Variants in CDKL2 observed in about 807,000 individuals in gnomAD.
CDKL2 encodes cyclin dependent kinase like 2, also known as cyclin-dependent kinase-like 2.
A neutral mutation model predicts 63.9 loss-of-function variants in CDKL2; 64 were observed. The observed-to-expected ratio is 1.00, with a 90% confidence interval of 0.82 to 1.23. CDKL2 has a LOEUF of 1.23. Ranked by LOEUF, CDKL2 falls within the 50% of genes most tolerant of loss-of-function variation. The pLI is 0.00. For synonymous variants in CDKL2, 211 were observed against 229.2 expected, an observed-to-expected ratio of 0.92 and a Z score of 0.72; for missense variants, 656 against 668.0, an observed-to-expected ratio of 0.98 and a Z score of 0.20.
At chr4:75,619,110 C>G (rs1730050614) in intron 2 of CDKL2, among the ~76,000 whole-genome samples, 1 of 152,124 alleles carries the variant, frequency 6.6e-6, no homozygotes, top group Admixed American at 6.5e-5. Flanking sequence ...TAAGCAAGAA[C>G]TTTGAACTTA....
In CDKL2 at chr4:75,621,530, CT is replaced by C. The variant is rs143649249; in HGVS notation, c.168+4290del. ...TATCCTGAGAAAACGGCCTTTTTTT[CT>C]TTTTTTTTGAAGCGATGAGATCTCA... On this transcript the variant is annotated intron_variant, in intron 2 of 13. Coordinates refer to ENST00000307465, the MANE Select transcript of CDKL2 (RefSeq NM_001330724.2). 3.3e-5 allele frequency among the ~76,000 whole-genome samples: 5 copies of C among 150,090 alleles called. No homozygotes were observed. The East Asian group carries it at 7.9e-4, about 24-fold the overall frequency.
At position 75,597,135 on chromosome 4, in the gene CDKL2, A is replaced by G. The variant is rs150074573; in HGVS notation, c.1122T>C (p.Asn374=). 5.5e-5 allele frequency: 88 copies of G among 1,614,076 alleles called. No homozygotes were observed. In the African/African-American group the frequency reaches 1.1e-3, roughly 21 times the overall value. ...EKAEKGNRAS[N]ASCLHDSRTS... The stretch of plus-strand genomic sequence containing the variant: ...TCCTACTGTCATGGAGACAGCTGGC[A>G]TTTGAAGCTCTATTGCCTTTTTCAG... Residue 374 remains asparagine (N), a synonymous_variant, in exon 9 of 14, where the codon AAT becomes AAC. Transcript: ENST00000307465.
rs1159165282 is a variant in CDKL2 at position 75,607,185 on chromosome 4, G to T, written c.540C>A (p.Gly180=). 1.2e-6 allele frequency: 2 copies of T among 1,604,500 alleles called. No individual in the cohort carries two copies. Among genetic ancestry groups the T allele is most frequent in the African/African-American group, 2.7e-5 (2 of 74,650 alleles). ...CCTCCCCATTACTGATGTCTTACTT[G>T]CCATACTTGACATCACCAACCAATA... The part of the protein sequence containing the change: ...PELLVGDVKY[G]KAVDVWAIGC... Residue 180 remains glycine (G), a splice_region_variant and synonymous_variant, in exon 4 of 14, where the codon GGC becomes GGA. Transcript: ENST00000307465.
At chr4:75,610,697 T>C (rs950024027) in intron 3 of CDKL2, among the ~76,000 whole-genome samples, 2 of 152,176 alleles carry the variant, frequency 1.3e-5, no homozygotes, top group African/African-American at 4.8e-5. Context: ...AAAATCATAT[T>C]TATATTTTAA....
chr4:75,624,131 CAA>C (rs35798736), intron 2 of CDKL2, among the ~76,000 whole-genome samples: 21,086 of 118,482 alleles, frequency 0.18, 1,996 homozygotes, highest in African/African-American at 0.33. Flanking sequence ...AACTCCATCT[CAA>C]AAAAAAAAAA....
At chr4:75,589,261 C>G (rs995190439) in intron 12 of CDKL2, among the ~76,000 whole-genome samples, 12 of 146,890 alleles carry the variant, frequency 8.2e-5, no homozygotes, top group African/African-American at 3.0e-4. Context: ...GGTTGAAATA[C>G]AAAATAGTGT....
chr4:75,589,299 C>CT (rs34052339), intron 12 of CDKL2, among the ~76,000 whole-genome samples: 1,226 of 88,244 alleles, frequency 0.014, 18 homozygotes, highest in African/African-American at 0.029. Context: ...TTGATAGTTT[C>CT]TTTTTTTTTT....
rs1730181082 is a variant in CDKL2, at chr4:75,622,152, A to G, written c.168+3669T>C. ...AAGAATGTTTAACAAAATAATTTTT[A>G]AAAAGAAAAAACCTAGATATATGGA... On this transcript the variant is annotated intron_variant, in intron 2 of 13. Transcript: ENST00000307465. Among the ~76,000 whole-genome samples, 3 of 152,194 alleles carry G rather than the reference A, an allele frequency of 2.0e-5. No individual in the cohort carries two copies. In the South Asian group the frequency reaches 6.2e-4, roughly 31 times the overall value.
Position 75,607,222 on chromosome 4 carries a change from C to G in CDKL2, c.503G>C (p.Arg168Thr). 1 of 1,613,912 alleles carries G rather than the reference C, an allele frequency of 6.2e-7. No individual in the cohort carries two copies. The highest frequency in any genetic ancestry group is 8.5e-7 in the Non-Finnish European group (1 of 1,179,876). ...YTDYVATRWY[R>T]APELLVGDVK... ...ATCACCAACCAATAGTTCTGGAGCT[C>G]TGTACCATCGGGTTGCCACATAATC... Residue 168 changes from arginine (R) to threonine (T), a missense_variant, in exon 4 of 14, where the codon AGA (arginine) becomes ACA (threonine). By Grantham distance (71) the Arg-to-Thr change is moderately conservative (BLOSUM62 -1). Coordinates refer to ENST00000307465, the MANE Select transcript of CDKL2 (RefSeq NM_001330724.2).
chr4:75,597,670 C>T lies in CDKL2; in HGVS notation c.1020+407G>A, dbSNP rs535969143. 3.9e-5 allele frequency among the ~76,000 whole-genome samples: 6 copies of T among 152,320 alleles called. No homozygotes were observed. In the South Asian group the frequency reaches 1.2e-3, roughly 32 times the overall value. On this transcript the variant is annotated intron_variant, in intron 8 of 13. Transcript: ENST00000307465. The stretch of plus-strand genomic sequence containing the variant: ...ATCCTGGGTAGTTCACCAGGAAAAG[C>T]AAACCTAAGTTAAGTATCCAAATCT...
rs1383100601 is a variant in CDKL2, at chr4:75,625,874, C to T, written c.115G>A (p.Asp39Asn). 6.2e-7 allele frequency: 1 copy of T among 1,613,288 alleles called. No individual in the cohort carries two copies. The highest frequency in any genetic ancestry group is 1.3e-5 in the African/African-American group (1 of 74,888). ...IVAIKKFLES[D>N]DDKMVKKIAM... ...ATCTTTTTAACCATTTTGTCATCGTCACTTTCTAAGAACTTCTTTATGGCC... is the reference window on the plus strand; with the variant it reads ...ATCTTTTTAACCATTTTGTCATCGTTACTTTCTAAGAACTTCTTTATGGCC... The change falls in exon 2 of 14, where the codon GAC (aspartate) becomes AAC (asparagine). Residue 39 changes from aspartate (D) to asparagine (N), a missense_variant. Coordinates refer to ENST00000307465, the MANE Select transcript of CDKL2 (RefSeq NM_001330724.2).
At chr4:75,619,575 T>A (rs1578351083) in intron 2 of CDKL2, among the ~76,000 whole-genome samples, 2 of 48,004 alleles carry the variant, frequency 4.2e-5, no homozygotes, top group Non-Finnish European at 4.2e-5. Flanking sequence ...CTCACAGCTG[T>A]ATAAAAAAAA....
chr4:75,583,012 T>A (rs1560571138), intron 12 of CDKL2, among the ~76,000 whole-genome samples: 1 of 152,168 alleles, frequency 6.6e-6, no homozygotes, highest in Non-Finnish European at 1.5e-5. Flanking sequence ...TAAGAACATT[T>A]GTCACCGTCA....
At position 75,577,504 on chromosome 4, in the gene CDKL2, T is replaced by G. The variant is rs1728072833; in HGVS notation, c.*1698A>C. On this transcript the variant is annotated 3_prime_UTR_variant, in exon 14 of 14. Transcript: ENST00000307465. ...AGCTAGTATAAAAACTGCAAGGCAA[T>G]TGATCCTAGAACCTCAACCATTGAG... 6.6e-6 allele frequency among the ~76,000 whole-genome samples: 1 copy of G among 152,194 alleles called. No individual in the cohort carries two copies. The highest frequency in any genetic ancestry group is 1.5e-5 in the Non-Finnish European group (1 of 68,036).
chr4:75,581,810 C>A lies in CDKL2; in HGVS notation c.*23G>T, dbSNP rs766836759. 4 of 1,567,772 alleles carry A rather than the reference C, an allele frequency of 2.6e-6. No individual in the cohort carries two copies. Among genetic ancestry groups the A allele is most frequent in the Non-Finnish European group, 3.5e-6 (4 of 1,139,540 alleles). ...TTTAAGTATGGGAAATCACACCTAC[C>A]CAGTTCAGAACCAAAATGGTTCTCA... On this transcript the variant is annotated splice_region_variant and 3_prime_UTR_variant, in exon 13 of 14. Transcript: ENST00000307465.
At position 75,607,206 on chromosome 4, in the gene CDKL2, C is replaced by T. The variant is rs766439105; in HGVS notation, c.519G>A (p.Leu173=). 2.5e-6 allele frequency: 4 copies of T among 1,610,004 alleles called. No individual in the cohort carries two copies. In the South Asian group the frequency reaches 4.4e-5, roughly 18 times the overall value. ...ACTTGCCATACTTGACATCACCAAC[C>T]AATAGTTCTGGAGCTCTGTACCATC... is the stretch of plus-strand genomic sequence containing the variant. ...ATRWYRAPEL[L]VGDVKYGKAV... Residue 173 remains leucine (L), a synonymous_variant, in exon 4 of 14, where the codon TTG becomes TTA. Coordinates refer to ENST00000307465, the MANE Select transcript of CDKL2 (RefSeq NM_001330724.2).
At chr4:75,580,629 T>C (rs113737108) in intron 13 of CDKL2, among the ~76,000 whole-genome samples, 22,479 of 148,338 alleles carry the variant, frequency 0.15, 2,247 homozygotes, top group African/African-American at 0.29. Flanking sequence ...ATCACGCCAC[T>C]GCACTCCAGC....
Position 75,600,422 on chromosome 4 carries a change from A to C in CDKL2, c.796-53T>G. On this transcript the variant is annotated intron_variant, in intron 6 of 13. Transcript: ENST00000307465. ...ATATCAAGAAAAACTACCTACATTT[A>C]AATTTATAAATATAGAAAAAAAATC... The C allele has an allele frequency of 4.5e-6, 5 of 1,117,480 alleles. No individual in the cohort carries two copies. In the South Asian group the frequency reaches 5.5e-5, roughly 12 times the overall value. The allele number at this position is 1,117,480 out of a possible 1,614,324, so 69.2% of individuals were successfully genotyped here. A position where few individuals can be genotyped will look rare whatever the true frequency, so the allele number is the denominator to read the frequency against.
At chr4:75,582,076 C>A (rs1434660777) in intron 12 of CDKL2, among the ~76,000 whole-genome samples, 178 bp from the exon 13 acceptor site, 1 of 152,164 alleles carries the variant, frequency 6.6e-6, no homozygotes, top group African/African-American at 2.4e-5. Context: ...TTTCTTTAGT[C>A]CCAAACATGA....
Sources: allele counts gnomAD v4.1 joint callset (sites outside exome capture counted in the v4.1 genomes callset), GRCh38; gene constraint gnomAD v4.1.1; transcripts MANE v1.5; gene names NCBI Gene and HGNC (gene_info 2026-07-23, HGNC 2026-07-21).